GABRB3: variants seen among roughly 807,000 people sequenced by gnomAD.
GABRB3 encodes gamma-aminobutyric acid type A receptor subunit beta3.
In GABRB3, 14 loss-of-function variants were observed where a neutral mutation model predicts 52.1. The observed-to-expected ratio is 0.27, with a 90% CI of 0.18 to 0.42. The LOEUF is 0.42. Ranked by LOEUF, GABRB3 falls within the 10% of genes least tolerant of loss-of-function variation. GABRB3 has a pLI of 1.00. For missense variants in GABRB3, 307 were observed against 609.1 expected, an observed-to-expected ratio of 0.50 and a Z score of 5.22; for synonymous variants, 260 against 232.3, an observed-to-expected ratio of 1.12 and a Z score of -1.08.
At chr15:26,744,759 CA>C (rs1208186713) in intron 3 of GABRB3, among the ~76,000 whole-genome samples, 4 of 152,184 alleles carry the variant, frequency 2.6e-5, no homozygotes, top group African/African-American at 9.7e-5. Context: ...CTTGAATAAT[CA>C]GTATCAAACT....
At chr15:26,735,775 C>T (rs1231750776) in intron 3 of GABRB3, among the ~76,000 whole-genome samples, 1 of 149,428 alleles carries the variant, frequency 6.7e-6, no homozygotes, top group South Asian at 2.1e-4. Flanking sequence ...ATAGGGAGAC[C>T]CCATTTCCAC....
chr15:26,633,876 G>A (rs763264089), intron 3 of GABRB3, among the ~76,000 whole-genome samples: 11 of 152,114 alleles, frequency 7.2e-5, no homozygotes, highest in Non-Finnish European at 1.2e-4. Flanking sequence ...CCTTCTTCAG[G>A]GCTGAAAGAA....
intron 3 of GABRB3, among the ~76,000 whole-genome samples, chr15:26,769,561 G>C (rs1296856434): frequency 6.6e-6 from 1 of 152,060 alleles, no homozygotes; most frequent in Non-Finnish European, 1.5e-5. Context: ...CTTCGTCTCT[G>C]GAATCTCCCC....
chr15:26,771,433 C>T (rs1802292698), intron 3 of GABRB3, among the ~76,000 whole-genome samples: 1 of 152,200 alleles, frequency 6.6e-6, no homozygotes, highest in African/African-American at 2.4e-5. Flanking sequence ...CCATGTCTCA[C>T]TGTATTCTCA....
intron 3 of GABRB3, among the ~76,000 whole-genome samples, chr15:26,692,304 A>G (rs1162794986): frequency 6.6e-6 from 1 of 152,072 alleles, no homozygotes; most frequent in Non-Finnish European, 1.5e-5. Context: ...TACAACAGAA[A>G]TAAGAGACCA....
chr15:26,574,963 C>T (rs1446432657), intron 6 of GABRB3, among the ~76,000 whole-genome samples: 3 of 152,192 alleles, frequency 2.0e-5, no homozygotes, highest in African/African-American at 7.2e-5. Flanking sequence ...ATCAAATTCA[C>T]ATCAACTATA....
At chr15:26,624,285 T>C (rs1892599682) in intron 3 of GABRB3, 1 of 985,566 alleles carries the variant, frequency 1.0e-6, no homozygotes, top group South Asian at 4.7e-5. Context: ...GATGTGTTAG[T>C]GGTGGCGACC....
rs139529908 is a variant in GABRB3 at position 26,567,911 on chromosome 15, G to T, written c.683-178C>A. Among the ~76,000 whole-genome samples, 620 of 152,176 alleles carry T rather than the reference G, an allele frequency of 4.1e-3. 2 individuals are homozygous for T. The highest frequency in any genetic ancestry group is 4.6e-3 in the South Asian group (22 of 4,824). Reference sequence around the variant, plus strand: ...GTATTTATAGAAGAATTAGGAGGGGGGTGCTTTTCGGTCTATTTATAAGAT... The same window carrying T: ...GTATTTATAGAAGAATTAGGAGGGGTGTGCTTTTCGGTCTATTTATAAGAT... On this transcript the variant is annotated intron_variant, in intron 6 of 8. Coordinates refer to ENST00000311550, the MANE Select transcript of GABRB3 (RefSeq NM_000814.6).
chr15:26,650,975 C>T (rs919046824), intron 3 of GABRB3, among the ~76,000 whole-genome samples: 2 of 152,164 alleles, frequency 1.3e-5, no homozygotes, highest in Non-Finnish European at 2.9e-5. Context: ...GCTTCACCAT[C>T]CTTCAACTGT....
intron 3 of GABRB3, among the ~76,000 whole-genome samples, chr15:26,714,336 A>G (rs1889399883): frequency 6.6e-6 from 1 of 152,182 alleles, no homozygotes; most frequent in South Asian, 2.1e-4. Context: ...GTTAATTTAG[A>G]AAGTTTATTT....
intron 3 of GABRB3, among the ~76,000 whole-genome samples, chr15:26,669,542 C>T (rs945008462): frequency 1.3e-5 from 2 of 152,084 alleles, no homozygotes; most frequent in African/African-American, 4.8e-5. Flanking sequence ...CCTCCAAGAA[C>T]GTGGTGGCCT....
At chr15:26,642,039 A>G (rs1893215411) in intron 3 of GABRB3, among the ~76,000 whole-genome samples, 1 of 151,716 alleles carries the variant, frequency 6.6e-6, no homozygotes, top group Admixed American at 6.6e-5. Flanking sequence ...ACAGGCCCTC[A>G]CCTCTGTGCC....
chr15:26,581,002 C>T, intron 5 of GABRB3: 1 of 265,372 alleles, frequency 3.8e-6, no homozygotes, highest in Non-Finnish European at 7.3e-6. Flanking sequence ...GTTTGCCAAC[C>T]TTAGAAATGC....
intron 3 of GABRB3, among the ~76,000 whole-genome samples, chr15:26,684,290 C>T (rs1888331916): frequency 6.6e-6 from 1 of 152,126 alleles, no homozygotes; most frequent in African/African-American, 2.4e-5. Flanking sequence ...ACATTGCCAC[C>T]TATTCCTGGA....
intron 3 of GABRB3, among the ~76,000 whole-genome samples, chr15:26,756,919 CT>C (rs1200446996): frequency 6.6e-6 from 1 of 152,172 alleles, no homozygotes; most frequent in African/African-American, 2.4e-5. Context: ...GGTTGTAACC[CT>C]CTTAGAAACT....
intron 8 of GABRB3, among the ~76,000 whole-genome samples, chr15:26,549,825 C>A (rs1889391544): frequency 6.6e-6 from 1 of 152,112 alleles, no homozygotes. Flanking sequence ...TTACCCTCTG[C>A]CTATAAAACC....
chr15:26,763,613 C>T (rs889074407), intron 3 of GABRB3, among the ~76,000 whole-genome samples: 2 of 151,076 alleles, frequency 1.3e-5, no homozygotes, highest in Non-Finnish European at 3.0e-5. Flanking sequence ...TAGATACACA[C>T]ACACACACAC....
intron 3 of GABRB3, among the ~76,000 whole-genome samples, chr15:26,728,229 C>A (rs1889822860): frequency 6.6e-6 from 1 of 152,154 alleles, no homozygotes; most frequent in South Asian, 2.1e-4. Context: ...GAGACCAAAA[C>A]CCCAAACACC....
At position 26,584,289 on chromosome 15, in the gene GABRB3, C is replaced by G. The variant is rs191844214; in HGVS notation, c.462-875G>C. Among the ~76,000 whole-genome samples the G allele has an allele frequency of 1.1e-3, 170 of 152,258 alleles. 2 individuals are homozygous for G. The highest frequency in any genetic ancestry group is 9.0e-3 in the Admixed American group (138 of 15,298). ...TTTTGTTTCTCTTCTTGTCTATAGG[C>G]TCTCTAGCCTCTCTACTACAGACAG... On this transcript the variant is annotated intron_variant, in intron 4 of 8. Transcript: ENST00000311550.
Sources: allele counts gnomAD v4.1 joint callset (sites outside exome capture counted in the v4.1 genomes callset), GRCh38; gene constraint gnomAD v4.1.1; transcripts MANE v1.5; gene names NCBI Gene and HGNC (gene_info 2026-07-23, HGNC 2026-07-21).